The following SHROOM4 variants were observed in gnomAD, a reference collection of about 807,000 sequenced individuals.
SHROOM4 encodes shroom family member 4, also known as protein Shroom4.
SHROOM4 carries 17 observed loss-of-function variants against 80.3 expected under a neutral mutation model. That is an observed-to-expected ratio of 0.21 (90% CI 0.14 to 0.32). The LOEUF (loss-of-function observed/expected upper bound fraction) is 0.32, where lower values mean the gene tolerates loss of function less well. SHROOM4 is among the 10% of genes least tolerant of loss of function. The pLI is 1.00. For missense variants in SHROOM4, 993 were observed against 1,140.3 expected (o/e 0.87, Z 1.86); for synonymous variants, 400 against 437.5 (o/e 0.91, Z 1.07).
chrX:50,582,760 C>T (rs1239216934), downstream of SHROOM4, among the ~76,000 whole-genome samples: 2 of 111,480 alleles, frequency 1.8e-5, no homozygotes, highest in Admixed American at 1.9e-4. Flanking sequence ...AACACCTCAA[C>T]CAAGTGTATA....
intron 1 of SHROOM4, among the ~76,000 whole-genome samples, chrX:50,741,940 CAT>C (rs1455877627): frequency 9.0e-6 from 1 of 110,829 alleles, no homozygotes; most frequent in African/African-American, 3.3e-5. Context: ...ATGTTATAAA[CAT>C]ATTTTATATG....
intron 2 of SHROOM4, among the ~76,000 whole-genome samples, chrX:50,687,837 G>A (rs893300701): frequency 9.1e-6 from 1 of 109,815 alleles, no homozygotes; most frequent in Non-Finnish European, 1.9e-5. Context: ...GCCAATTTAA[G>A]TGACCACGAG....
chrX:50,657,148 C>A (rs1397908557), intron 2 of SHROOM4, among the ~76,000 whole-genome samples: 1 of 111,400 alleles, frequency 9.0e-6, no homozygotes, highest in African/African-American at 3.3e-5. Context: ...TTTCTAAGAG[C>A]CTTTTGGTGG....
Position 50,592,398 on chromosome X carries a change from T to C in SHROOM4, c.*4297A>G. The C allele has an allele frequency of 4.2e-6, 1 of 239,747 alleles. No individual in the cohort carries two copies. Among genetic ancestry groups the C allele is most frequent in the Non-Finnish European group, 7.7e-6 (1 of 129,302 alleles). 19.8% of individuals were successfully genotyped at this position (239,747 alleles called of 1,213,427 possible). A position where few individuals can be genotyped will look rare whatever the true frequency, so the allele number is the denominator to read the frequency against. The stretch of plus-strand genomic sequence containing the variant: ...AATAACTGCAAGCAAGATAATACTG[T>C]TCCCATTTTACAGATAAGAAAATGA... On this transcript the variant is annotated 3_prime_UTR_variant, in exon 9 of 9. Coordinates refer to ENST00000376020, the MANE Select transcript of SHROOM4 (RefSeq NM_020717.5).
chrX:50,609,549 A>G (rs1929854172), intron 5 of SHROOM4, among the ~76,000 whole-genome samples: 1 of 110,815 alleles, frequency 9.0e-6, no homozygotes, highest in Admixed American at 9.6e-5. Flanking sequence ...TCCCCCAAAA[A>G]GGAGATAAAG....
intron 5 of SHROOM4, among the ~76,000 whole-genome samples, chrX:50,610,352 T>TCTCA (rs782591424): frequency 1.0e-3 from 95 of 91,709 alleles, no homozygotes; most frequent in Non-Finnish European, 1.4e-3. Flanking sequence ...TCTCTCTCTC[T>TCTCA]CACACACACA....
At position 50,607,426 on chromosome X, in the gene SHROOM4, C is replaced by G; in HGVS notation, c.3716G>C (p.Gly1239Ala). The G allele has an allele frequency of 1.7e-6, 2 of 1,211,742 alleles. 1 individual carries two copies. The highest frequency in any genetic ancestry group is 3.5e-5 in the South Asian group (2 of 56,962). The change falls in exon 6 of 9, where the codon GGT becomes GCT. Residue 1239 changes from glycine (G) to alanine (A), a missense_variant. Gly to Ala is a moderately conservative substitution (Grantham distance 60). Coordinates refer to ENST00000376020, the MANE Select transcript of SHROOM4 (RefSeq NM_020717.5). The part of the protein sequence containing the change: ...QAQPPCYYGI[G>A]GLWRTSGQEA... ...CTGTCCCGATGTCCTCCAAAGCCCA[C>G]CAATGCCATAGTAGCAAGGGGGCTG... is the stretch of plus-strand genomic sequence containing the variant.
At chrX:50,651,719 C>T (rs1025738900) in intron 2 of SHROOM4, among the ~76,000 whole-genome samples, 1 of 111,298 alleles carries the variant, frequency 9.0e-6, no homozygotes, top group South Asian at 3.9e-4. Flanking sequence ...TCTCCTAATG[C>T]TATCCCTCCC....
At chrX:50,607,293 G>A in intron 6 of SHROOM4, 88 bp downstream of exon 6, 15 of 1,051,089 alleles carry the variant, frequency 1.4e-5, no homozygotes, top group Non-Finnish European at 1.8e-5. Flanking sequence ...GCCAGCCTGA[G>A]GTCATCCAGT....
intron 1 of SHROOM4, among the ~76,000 whole-genome samples, chrX:50,776,337 T>C (rs782395298): frequency 8.9e-6 from 1 of 111,917 alleles, no homozygotes; most frequent in African/African-American, 3.2e-5. Context: ...ACCTTTTATT[T>C]AGACAATATC....
In SHROOM4 at chrX:50,590,237, G is replaced by C. The variant is rs1371049820; in HGVS notation, c.*6458C>G. On this transcript the variant is annotated 3_prime_UTR_variant, in exon 9 of 9. Transcript: ENST00000376020. Reference sequence around the variant, plus strand: ...AATTATAATGCCCTTATAAGAAGGGGAAGAGACCAGATCCCTTTCTTTTTT... The same window carrying C: ...AATTATAATGCCCTTATAAGAAGGGCAAGAGACCAGATCCCTTTCTTTTTT... Among the ~76,000 whole-genome samples the C allele has an allele frequency of 9.0e-6, 1 of 110,600 alleles. No individual in the cohort carries two copies. Among genetic ancestry groups the C allele is most frequent in the African/African-American group, 3.3e-5 (1 of 30,319 alleles).
chrX:50,648,254 C>T (rs1931913968), intron 2 of SHROOM4, among the ~76,000 whole-genome samples: 1 of 111,306 alleles, frequency 9.0e-6, no homozygotes, highest in Non-Finnish European at 1.9e-5. Context: ...TGTTGATGGA[C>T]TGAATATGGA....
At chrX:50,619,063 C>A (rs925561113) in intron 5 of SHROOM4, among the ~76,000 whole-genome samples, 1 of 111,964 alleles carries the variant, frequency 8.9e-6, no homozygotes, top group African/African-American at 3.2e-5. Flanking sequence ...AAATTGCCTG[C>A]CAAAACCAGG....
intron 2 of SHROOM4, among the ~76,000 whole-genome samples, chrX:50,659,472 T>C (rs1932422850): frequency 8.9e-6 from 1 of 111,889 alleles, no homozygotes; most frequent in African/African-American, 3.2e-5. Context: ...AGTTTATGAT[T>C]CAGCCTGTCG....
At chrX:50,675,812 C>T (rs782030386) in intron 2 of SHROOM4, among the ~76,000 whole-genome samples, 6 of 111,290 alleles carry the variant, frequency 5.4e-5, no homozygotes, top group African/African-American at 1.3e-4. Context: ...ATTTGCCATT[C>T]GGTCTTCACA....
chrX:50,615,672 T>C (rs1002100945), intron 5 of SHROOM4, among the ~76,000 whole-genome samples: 1 of 111,633 alleles, frequency 9.0e-6, no homozygotes, highest in African/African-American at 3.3e-5. Context: ...AAGTTAGATC[T>C]TTTTTACTGT....
intron 1 of SHROOM4, among the ~76,000 whole-genome samples, chrX:50,761,559 C>T (rs782561138): frequency 9.4e-4 from 104 of 111,084 alleles, no homozygotes; most frequent in African/African-American, 3.3e-3. Context: ...TTGTTGGCCA[C>T]ATGTATATCT....
chrX:50,733,720 A>G, intron 1 of SHROOM4, among the ~76,000 whole-genome samples: 1 of 112,404 alleles, frequency 8.9e-6, no homozygotes, highest in Non-Finnish European at 1.9e-5. Flanking sequence ...AAATGATAAG[A>G]ATGTCCACTT....
chrX:50,736,004 C>CA (rs1191157869), intron 1 of SHROOM4, among the ~76,000 whole-genome samples: 839 of 65,237 alleles, frequency 0.013, 7 homozygotes, highest in African/African-American at 0.021. Context: ...GAGACTGTTT[C>CA]AAAAAAAAAA....
Sources: allele counts gnomAD v4.1 joint callset (sites outside exome capture counted in the v4.1 genomes callset), GRCh38; gene constraint gnomAD v4.1.1; transcripts MANE v1.5; gene names NCBI Gene and HGNC (gene_info 2026-07-23, HGNC 2026-07-21).